EIF2B1: variants seen among roughly 807,000 people sequenced by gnomAD.
The protein encoded by EIF2B1 is eukaryotic translation initiation factor 2B subunit alpha, also known as translation initiation factor eIF2B subunit alpha.
Under a neutral mutation model 36.8 loss-of-function variants are expected in EIF2B1, and 30 were observed. The ratio of observed to expected loss-of-function variants is 0.81; its 90% CI spans 0.61 to 1.10. EIF2B1 has a LOEUF of 1.10. EIF2B1 is among the 50% of genes least tolerant of loss of function. The pLI is 0.00. For missense variants in EIF2B1, 271 were observed against 374.8 expected, an observed-to-expected ratio of 0.72 and a Z score of 2.29; for synonymous variants, 139 against 142.2, an observed-to-expected ratio of 0.98 and a Z score of 0.16.
rs989430805 is a variant in EIF2B1 at position 123,626,806 on chromosome 12, A to G, written c.482+238T>C. On this transcript the variant is annotated intron_variant, in intron 5 of 8. Transcript: ENST00000424014. ...TATTCCTTGATAAAAATCTTCATCA[A>G]TACAATCTCTGCTCTTCCACGGAGT... 2.9e-5 allele frequency: 20 copies of G among 684,984 alleles called. No homozygotes were observed. The Admixed American group carries it at 4.0e-4, about 14-fold the overall frequency. 42.4% of individuals were successfully genotyped at this position (684,984 alleles called of 1,614,324 possible).
At chr12:123,632,292 A>G (rs1238646007) in intron 2 of EIF2B1, 53 bp downstream of exon 2, 25 of 1,207,778 alleles carry the variant, frequency 2.1e-5, no homozygotes, top group Admixed American at 1.6e-4. Context: ...AAAAGAAAAG[A>G]AAAAAAAGAC....
At chr12:123,625,419 G>A (rs1213407037) in intron 6 of EIF2B1, among the ~76,000 whole-genome samples, 1 of 151,946 alleles carries the variant, frequency 6.6e-6, no homozygotes, top group Non-Finnish European at 1.5e-5. Context: ...CCCTAGAGAT[G>A]GGGTTTCGCC....
chr12:123,627,289 G>A lies in EIF2B1; in HGVS notation c.370-133C>T, dbSNP rs544020740. 5.9e-5 allele frequency: 46 copies of A among 774,254 alleles called. No homozygotes were observed. In the African/African-American group the frequency reaches 6.3e-4, roughly 11 times the overall value. The allele number at this position is 774,254 out of a possible 1,614,324, so 48.0% of individuals were successfully genotyped here. A position where few individuals can be genotyped will look rare whatever the true frequency, so the allele number is the denominator to read the frequency against. ...CTCACAAATCAACCACAACCAGAAAGGAGACCTGATGGTACAGTTTCCATC... is the reference window on the plus strand; with the variant it reads ...CTCACAAATCAACCACAACCAGAAAAGAGACCTGATGGTACAGTTTCCATC... On this transcript the variant is annotated intron_variant, in intron 4 of 8. Transcript: ENST00000424014.
At chr12:123,623,079 A>C (rs891081275) in intron 7 of EIF2B1, among the ~76,000 whole-genome samples, 4 of 151,976 alleles carry the variant, frequency 2.6e-5, no homozygotes, top group Admixed American at 2.6e-4. Flanking sequence ...TTCTCAAAGG[A>C]TATAGAAACA....
rs1955077630 is a variant in EIF2B1, at chr12:123,620,703, T to G, written c.*1053A>C. ...CAGAAGTCTTCTTGACTTCTGATTT[T>G]CAAAACCATTCCTCAGTATCTTCAG... On this transcript the variant is annotated 3_prime_UTR_variant, in exon 9 of 9. Transcript: ENST00000424014. The G allele has an allele frequency of 6.7e-6, 1 of 148,374 alleles. No individual in the cohort carries two copies. The highest frequency in any genetic ancestry group is 1.5e-5 in the Non-Finnish European group (1 of 67,098). 9.2% of individuals were successfully genotyped at this position (148,374 alleles called of 1,614,324 possible).
In EIF2B1 at chr12:123,627,051, A is replaced by G. The variant is rs193142170; in HGVS notation, c.475T>C (p.Leu159=). The G allele has an allele frequency of 6.2e-7, 1 of 1,614,190 alleles. No homozygotes were observed. The highest frequency in any genetic ancestry group is 1.7e-5 in the Admixed American group (1 of 60,012). Residue 159 remains leucine, a synonymous_variant, in exon 5 of 9, where the codon TTG becomes CTG. Transcript: ENST00000424014. The part of the protein sequence containing the change: ...SVYVTESQPD[L]SGKKMAKALC... Reference sequence around the variant, plus strand: ...GAACAGAAAGGTACTTGCCCTGACAAATCAGGCTGTGACTCTGTGACGTAT... The same window carrying G: ...GAACAGAAAGGTACTTGCCCTGACAGATCAGGCTGTGACTCTGTGACGTAT...
At chr12:123,632,086 A>G (rs901843526) in intron 2 of EIF2B1, among the ~76,000 whole-genome samples, 1 of 151,922 alleles carries the variant, frequency 6.6e-6, no homozygotes, top group Non-Finnish European at 1.5e-5. Context: ...CCTGGGTAAC[A>G]TGGTGAAACC....
chr12:123,629,047 C>T (rs1024461821), intron 4 of EIF2B1, among the ~76,000 whole-genome samples: 12 of 152,212 alleles, frequency 7.9e-5, no homozygotes, highest in African/African-American at 2.2e-4. Context: ...AAAAAGGCTT[C>T]GTTTGCAACT....
At chr12:123,624,102 AATAT>A (rs1175113816) in intron 7 of EIF2B1, among the ~76,000 whole-genome samples, 5 of 148,744 alleles carry the variant, frequency 3.4e-5, no homozygotes, top group African/African-American at 1.2e-4. Context: ...TTTATATGTA[AATAT>A]ATAAATAATA....
At chr12:123,629,541 C>A (rs945430114) in intron 4 of EIF2B1, among the ~76,000 whole-genome samples, 60 of 152,288 alleles carry the variant, frequency 3.9e-4, no homozygotes, top group African/African-American at 1.4e-3. Context: ...CGCCTGTAAT[C>A]CCAGCACTTT....
chr12:123,628,265 T>C (rs1955162732), intron 4 of EIF2B1, among the ~76,000 whole-genome samples: 1 of 151,932 alleles, frequency 6.6e-6, no homozygotes, highest in South Asian at 2.1e-4. Flanking sequence ...CTCCCTATGT[T>C]GCTCAGGCTA....
Position 123,621,938 on chromosome 12 carries a change from C to A in EIF2B1, c.754-18G>T. The A allele has an allele frequency of 1.2e-6, 2 of 1,613,426 alleles. No homozygotes were observed. The highest frequency in any genetic ancestry group is 1.7e-6 in the Non-Finnish European group (2 of 1,179,870). ...GCCTTATACTGAGGAGAGAAGTACA[C>A]ATTAGTCGGCACTGAATATTTAGTG... On this transcript the variant is annotated intron_variant, in intron 8 of 8. Transcript: ENST00000424014.
At position 123,630,384 on chromosome 12, in the gene EIF2B1, A is replaced by G. The variant is rs200139223; in HGVS notation, c.252+13T>C. ...GAAGTGGAAAGGTAACCCCAGGGAGAACAGGCACTTACGGAGTATTCCAGG... is the reference window on the plus strand; with the variant it reads ...GAAGTGGAAAGGTAACCCCAGGGAGGACAGGCACTTACGGAGTATTCCAGG... On this transcript the variant is annotated intron_variant, in intron 3 of 8. Coordinates refer to ENST00000424014, the MANE Select transcript of EIF2B1 (RefSeq NM_001414.4). The surrounding 1 kb of genome is among the most constrained non-coding windows in gnomAD (Gnocchi z 4.6). The G allele has an allele frequency of 3.2e-4, 515 of 1,614,224 alleles. 1 individual carries two copies. Among genetic ancestry groups the G allele is most frequent in the Non-Finnish European group, 4.1e-4 (486 of 1,180,038 alleles).
In EIF2B1 at chr12:123,621,587, G is replaced by T; in HGVS notation, c.*169C>A. 1.3e-6 allele frequency: 1 copy of T among 785,854 alleles called. No homozygotes were observed. Among genetic ancestry groups the T allele is most frequent in the Non-Finnish European group, 2.1e-6 (1 of 476,640 alleles). 48.7% of individuals were successfully genotyped at this position (785,854 alleles called of 1,614,324 possible). A position where few individuals can be genotyped will look rare whatever the true frequency, so the allele number is the denominator to read the frequency against. On this transcript the variant is annotated 3_prime_UTR_variant, in exon 9 of 9. Transcript: ENST00000424014. ...AGAATAGCTGACACATTTTTAGATGGGACTGAAATGAGTAAGAAAGGTTCT... is the reference window on the plus strand; with the variant it reads ...AGAATAGCTGACACATTTTTAGATGTGACTGAAATGAGTAAGAAAGGTTCT...
rs141136209 is a variant in EIF2B1, at chr12:123,621,896, C to T, written c.778G>A (p.Ala260Thr). ...FKYKADTLKV[A>T]QTGQDLKEEH... ...TCTTTGAGGTCTTGTCCAGTCTGCG[C>T]GACCTTGAGAGTGTCTGCCTTATAC... The change falls in exon 9 of 9, where the codon GCG becomes ACG. Residue 260 changes from alanine (A) to threonine (T), a missense_variant. Coordinates refer to ENST00000424014, the MANE Select transcript of EIF2B1 (RefSeq NM_001414.4). The T allele has an allele frequency of 8.2e-5, 133 of 1,613,956 alleles. No homozygotes were observed. The highest frequency in any genetic ancestry group is 1.7e-4 in the Middle Eastern group (1 of 5,988).
chr12:123,620,592 A>T lies in EIF2B1; in HGVS notation c.*1164T>A, dbSNP rs1258539348. ...ACATATGTACATATTATATATATAT[A>T]TATATATATATATATATATATATAT... is the stretch of plus-strand genomic sequence containing the variant. On this transcript the variant is annotated 3_prime_UTR_variant, in exon 9 of 9. Coordinates refer to ENST00000424014, the MANE Select transcript of EIF2B1 (RefSeq NM_001414.4). The T allele has an allele frequency of 1.5e-5, 1 of 64,842 alleles. No homozygotes were observed. Among genetic ancestry groups the T allele is most frequent in the African/African-American group, 5.1e-5 (1 of 19,732 alleles). 4.0% of individuals were successfully genotyped at this position (64,842 alleles called of 1,614,324 possible).
chr12:123,627,549 G>T (rs1348999599), intron 4 of EIF2B1, among the ~76,000 whole-genome samples: 1 of 152,222 alleles, frequency 6.6e-6, no homozygotes, highest in Non-Finnish European at 1.5e-5. Context: ...CAGCAGCAAA[G>T]CGAAAGGCTA....
chr12:123,621,735 T>C lies in EIF2B1; in HGVS notation c.*21A>G, dbSNP rs1268130257. On this transcript the variant is annotated 3_prime_UTR_variant, in exon 9 of 9. Transcript: ENST00000424014. ...TGCCTCAACTACGTAAGCTGCACCT[T>C]GGCAGGAAAGGGCTCACAGGTTACA... 2 of 1,613,020 alleles carry C rather than the reference T, an allele frequency of 1.2e-6. No individual in the cohort carries two copies. The highest frequency in any genetic ancestry group is 3.3e-5 in the Admixed American group (2 of 60,014).
In EIF2B1 at chr12:123,630,375, C is replaced by A. The variant is rs1448551094; in HGVS notation, c.252+22G>T. 2 of 1,613,946 alleles carry A rather than the reference C, an allele frequency of 1.2e-6. No individual in the cohort carries two copies. Among genetic ancestry groups the A allele is most frequent in the Non-Finnish European group, 1.7e-6 (2 of 1,180,020 alleles). On this transcript the variant is annotated intron_variant, in intron 3 of 8. Transcript: ENST00000424014. This position sits in a 1 kb window ranked among gnomAD's most constrained non-coding sequence, Gnocchi z 4.6. ...CTAAACAGAGAAGTGGAAAGGTAACCCCAGGGAGAACAGGCACTTACGGAG... is the reference window on the plus strand; with the variant it reads ...CTAAACAGAGAAGTGGAAAGGTAACACCAGGGAGAACAGGCACTTACGGAG...
Sources: allele counts gnomAD v4.1 joint callset (sites outside exome capture counted in the v4.1 genomes callset), GRCh38; gene constraint gnomAD v4.1.1; non-coding constraint Gnocchi (gnomAD v3.1); transcripts MANE v1.5; gene names NCBI Gene and HGNC (gene_info 2026-07-23, HGNC 2026-07-21).